The following ABCB11 variants were observed in gnomAD, a reference collection of about 807,000 sequenced individuals.
ABCB11 encodes bile salt export pump.
ABCB11 carries 95 observed loss-of-function variants against 148.0 expected under a neutral mutation model. The ratio of observed to expected loss-of-function variants is 0.64; its 90% CI spans 0.54 to 0.76. The LOEUF (loss-of-function observed/expected upper bound fraction) is 0.76, where lower values mean the gene tolerates loss of function less well. Ranked by LOEUF, ABCB11 falls within the 30% of genes least tolerant of loss-of-function variation. The probability of loss-of-function intolerance (pLI) is 0.00; values close to 1 mark genes in which losing one functional copy is unlikely to be tolerated. For missense variants in ABCB11, 1,523 were observed against 1,617.8 expected (o/e 0.94, Z 1.01); for synonymous variants, 591 against 555.4 (o/e 1.06, Z -0.90).
intron 17 of ABCB11, among the ~76,000 whole-genome samples, chr2:168,967,564 C>G (rs79835267): frequency 6.6e-6 from 1 of 151,688 alleles, no homozygotes; most frequent in Non-Finnish European, 1.5e-5. Context: ...AATAATTATC[C>G]ATCTTGAATG....
chr2:168,984,168 C>A (rs989463049), intron 10 of ABCB11, among the ~76,000 whole-genome samples: 2 of 152,020 alleles, frequency 1.3e-5, no homozygotes, highest in East Asian at 1.9e-4. Flanking sequence ...GGAGAGGGAG[C>A]AGGATAAGAA....
Position 168,971,919 on chromosome 2 carries a change from A to T in ABCB11, c.1566T>A (p.Asp522Glu). The T allele has an allele frequency of 6.2e-7, 1 of 1,613,134 alleles. No homozygotes were observed. Residue 522 changes from aspartate to glutamate, a missense_variant, in exon 14 of 28, where the codon GAT (aspartate) becomes GAA (glutamate). Physicochemically the swap from Asp to Glu is conservative, Grantham distance 45. Coordinates refer to ENST00000650372, the MANE Select transcript of ABCB11 (RefSeq NM_003742.4). ...CTTGGACTATGTCTTCCATTGTTGC[A>T]TCTTCTCTGCCATAGCGAATATTTT... ...IAENIRYGREDATMEDIVQAA... is the reference protein window; with the variant it reads ...IAENIRYGREEATMEDIVQAA...
rs34135220 is a variant in ABCB11, at chr2:168,987,521, C to T, written c.909-1237G>A. ...ACAGCTCGCTGTAACCTCAAACTCCCCAGAATCAGGTGATCCTCCCACCTC... is the reference window on the plus strand; with the variant it reads ...ACAGCTCGCTGTAACCTCAAACTCCTCAGAATCAGGTGATCCTCCCACCTC... On this transcript the variant is annotated intron_variant, in intron 9 of 27. Transcript: ENST00000650372. Among the ~76,000 whole-genome samples, 1,326 of 152,204 alleles carry T rather than the reference C, an allele frequency of 8.7e-3. 8 individuals are homozygous for T. The highest frequency in any genetic ancestry group is 0.015 in the Non-Finnish European group (997 of 67,998).
At chr2:168,968,361 T>G in intron 17 of ABCB11, 66 bp downstream of exon 17, 2 of 1,435,818 alleles carry the variant, frequency 1.4e-6, no homozygotes, top group South Asian at 2.4e-5. Flanking sequence ...CTCTGAGGAT[T>G]AGGACTACAG....
intron 17 of ABCB11, among the ~76,000 whole-genome samples, chr2:168,967,658 C>T (rs1382756947): frequency 6.6e-6 from 1 of 151,668 alleles, no homozygotes; most frequent in African/African-American, 2.4e-5. Flanking sequence ...ATATTGCTAC[C>T]ATCTCATTGC....
Position 168,971,849 on chromosome 2 carries a change from G to T in ABCB11, c.1636C>A (p.Gln546Lys), listed in dbSNP as rs111482608. ...NAYNFIMDLP[Q>K]QFDTLVGEGG... ...CAGGAATGTATGGCTAGGGGTACCT[G>T]TGGCAGGTCCATGATGAAGTTGTAG... Residue 546 changes from glutamine (Q) to lysine (K), a missense_variant and splice_region_variant, in exon 14 of 28, where the codon CAG (glutamine) becomes AAG (lysine). Coordinates refer to ENST00000650372, the MANE Select transcript of ABCB11 (RefSeq NM_003742.4). 2.0e-4 allele frequency: 324 copies of T among 1,612,450 alleles called. 2 individuals are homozygous for T. The African/African-American group carries it at 3.2e-3, about 16-fold the overall frequency.
chr2:168,917,883 CAT>C (rs1690971607), downstream of ABCB11, among the ~76,000 whole-genome samples: 1 of 152,172 alleles, frequency 6.6e-6, no homozygotes, highest in East Asian at 1.9e-4. Context: ...TTTGAGCTAA[CAT>C]GTGCTGTAAA....
Position 168,935,408 on chromosome 2 carries a change from G to A in ABCB11, c.2832C>T (p.Leu944=), listed in dbSNP as rs767469124. The part of the protein sequence containing the change: ...EMVGQITNEA[L]SNIRTVAGIG... ...TTCCAGCAACAGTGCGGATGTTACT[G>A]AGGGCTTCATTTGTAATCTGAAGAT... is the stretch of plus-strand genomic sequence containing the variant. The change falls in exon 23 of 28, where the codon CTC becomes CTT. Residue 944 remains leucine (L), a synonymous_variant. Transcript: ENST00000650372. 2.5e-6 allele frequency: 4 copies of A among 1,612,574 alleles called. No homozygotes were observed. The South Asian group carries it at 4.4e-5, about 18-fold the overall frequency.
intron 18 of ABCB11, among the ~76,000 whole-genome samples, chr2:168,963,442 A>G (rs1693163528): frequency 6.6e-6 from 1 of 151,726 alleles, no homozygotes; most frequent in South Asian, 2.1e-4. Context: ...TGAACGTAAA[A>G]GTATCAGGGC....
At chr2:168,926,044 C>T (rs1179912735) in intron 26 of ABCB11, among the ~76,000 whole-genome samples, 2 of 152,174 alleles carry the variant, frequency 1.3e-5, no homozygotes, top group African/African-American at 4.8e-5. Context: ...AAACAAAAAG[C>T]CTTCCACAAA....
chr2:168,935,568 T>C lies in ABCB11; in HGVS notation c.2815-143A>G. On this transcript the variant is annotated intron_variant, in intron 22 of 27. Coordinates refer to ENST00000650372, the MANE Select transcript of ABCB11 (RefSeq NM_003742.4). ...TGCATCATCTGGGAATACAAAGACG[T>C]GGCTGGAGATCAACCCAACTGGACC... 3 of 1,160,450 alleles carry C rather than the reference T, an allele frequency of 2.6e-6. No homozygotes were observed. The South Asian group carries it at 4.9e-5, about 19-fold the overall frequency. The allele number at this position is 1,160,450 out of a possible 1,614,324, so 71.9% of individuals were successfully genotyped here. A position where few individuals can be genotyped will look rare whatever the true frequency, so the allele number is the denominator to read the frequency against.
intron 19 of ABCB11, among the ~76,000 whole-genome samples, chr2:168,953,944 T>G (rs1270975402): frequency 1.3e-5 from 2 of 151,608 alleles, no homozygotes; most frequent in African/African-American, 4.8e-5. Context: ...ACCAAACCAA[T>G]GTTCACCTTA....
chr2:168,962,424 G>T (rs1693118661), intron 18 of ABCB11, among the ~76,000 whole-genome samples: 1 of 151,588 alleles, frequency 6.6e-6, no homozygotes, highest in Admixed American at 6.6e-5. Flanking sequence ...CTCCTGAATT[G>T]TTCCTGCATC....
In ABCB11 at chr2:169,008,405, C is replaced by T. The variant is rs914640272; in HGVS notation, c.389+4867G>A. Among the ~76,000 whole-genome samples the T allele has an allele frequency of 3.3e-5, 5 of 152,292 alleles. No individual in the cohort carries two copies. The East Asian group carries it at 9.7e-4, about 29-fold the overall frequency. On this transcript the variant is annotated intron_variant, in intron 5 of 27. Coordinates refer to ENST00000650372, the MANE Select transcript of ABCB11 (RefSeq NM_003742.4). The stretch of plus-strand genomic sequence containing the variant: ...TTGCCTCTACTCTTCTCTCTACAGG[C>T]AAATCCCCCTCTGCCTTCTTCTTAG...
chr2:168,943,666 T>G (rs1326099159), intron 21 of ABCB11, among the ~76,000 whole-genome samples: 1 of 152,012 alleles, frequency 6.6e-6, no homozygotes, highest in Non-Finnish European at 1.5e-5. Context: ...AGTGGCCTAT[T>G]TATAGGGATT....
intron 18 of ABCB11, among the ~76,000 whole-genome samples, chr2:168,963,667 C>T (rs1693171962): frequency 6.6e-6 from 1 of 151,730 alleles, no homozygotes; most frequent in South Asian, 2.1e-4. Context: ...TATCTTAAAA[C>T]CATTATAAAA....
At chr2:169,022,817 T>C (rs765188522) in intron 1 of ABCB11, among the ~76,000 whole-genome samples, 10 of 151,476 alleles carry the variant, frequency 6.6e-5, no homozygotes, top group Non-Finnish European at 1.5e-4. Context: ...CAGCAGTTTA[T>C]GAAAAAAATG....
chr2:168,917,257 C>T (rs922108779), downstream of ABCB11, among the ~76,000 whole-genome samples: 4 of 151,860 alleles, frequency 2.6e-5, no homozygotes, highest in South Asian at 2.1e-4. Context: ...AGTAGCATTT[C>T]TAATATATGG....
chr2:168,957,612 T>G (rs1559201789), intron 19 of ABCB11, among the ~76,000 whole-genome samples: 1 of 151,742 alleles, frequency 6.6e-6, no homozygotes, highest in Non-Finnish European at 1.5e-5. Context: ...AGATCAAAAT[T>G]TCCCTAAAAG....
Sources: gnomAD v4.1 joint callset for allele counts (sites outside exome capture counted in the v4.1 genomes callset) on GRCh38, gnomAD v4.1.1 for gene constraint, MANE v1.5 for transcripts, NCBI Gene and HGNC (gene_info 2026-07-23, HGNC 2026-07-21) for gene names.